MEF2C: variants seen among roughly 807,000 people sequenced by gnomAD.
MEF2C encodes the protein myocyte enhancer factor 2C.
In MEF2C, 6 loss-of-function variants were observed where a neutral mutation model predicts 50.5. The ratio of observed to expected loss-of-function variants is 0.12; its 90% CI spans 0.07 to 0.23. The LOEUF (loss-of-function observed/expected upper bound fraction) is 0.23, where lower values mean the gene tolerates loss of function less well. Among genes scored for constraint, MEF2C ranks in the 10% least tolerant of loss-of-function variants. The probability of loss-of-function intolerance (pLI) is 1.00; values close to 1 mark genes in which losing one functional copy is unlikely to be tolerated. For synonymous variants in MEF2C, 183 were observed against 228.0 expected (o/e 0.80, Z 1.78); for missense variants, 276 against 605.0 (o/e 0.46, Z 5.70).
At chr5:88,744,088 T>C in intron 6 of MEF2C, 1 of 984,192 alleles carries the variant, frequency 1.0e-6, no homozygotes, top group African/African-American at 1.7e-5. Flanking sequence ...TCCTTTCTAC[T>C]CAATAAAAGG....
At chr5:88,838,361 T>A (rs1387130749) in intron 1 of MEF2C, among the ~76,000 whole-genome samples, 2 of 151,704 alleles carry the variant, frequency 1.3e-5, no homozygotes. Context: ...TGGATGATCA[T>A]CAGCAGCTGT....
chr5:88,766,904 C>T lies in MEF2C; in HGVS notation c.259-5576G>A, dbSNP rs1392056762. On this transcript the variant is annotated intron_variant, in intron 3 of 10. Transcript: ENST00000504921. ...GATCCTGAATCATTTTTTTGCTTGTCGTTCACAGCTTTATGAAGATAAGTA... is the reference window on the plus strand; with the variant it reads ...GATCCTGAATCATTTTTTTGCTTGTTGTTCACAGCTTTATGAAGATAAGTA... 1.6e-5 allele frequency: 12 copies of T among 728,992 alleles called. No homozygotes were observed. The South Asian group carries it at 1.9e-4, about 11-fold the overall frequency. 45.2% of individuals were successfully genotyped at this position (728,992 alleles called of 1,614,324 possible).
intron 3 of MEF2C, among the ~76,000 whole-genome samples, chr5:88,775,160 G>A (rs1233245142): frequency 1.3e-5 from 2 of 152,160 alleles, no homozygotes; most frequent in Admixed American, 6.5e-5. Context: ...TTCTAGGACC[G>A]ACATCAAAAG....
At position 88,722,595 on chromosome 5, in the gene MEF2C, A is replaced by G. The variant is rs1756697550; in HGVS notation, c.*9T>C. The G allele has an allele frequency of 3.1e-6, 5 of 1,606,614 alleles. No homozygotes were observed. Among genetic ancestry groups the G allele is most frequent in the African/African-American group, 1.3e-5 (1 of 74,108 alleles). ...AGAAAAAAAAAAAAACTAGTAAGTA[A>G]TAATCTGATCATGTTGCCCATCCTT... On this transcript the variant is annotated 3_prime_UTR_variant, in exon 11 of 11. Coordinates refer to ENST00000504921, the MANE Select transcript of MEF2C (RefSeq NM_002397.5).
At chr5:88,741,883 T>A (rs760849204) in intron 6 of MEF2C, 6 of 985,418 alleles carry the variant, frequency 6.1e-6, no homozygotes, top group Non-Finnish European at 7.2e-6. Flanking sequence ...TAGCACCTTT[T>A]GGACGTATCA....
intron 1 of MEF2C, among the ~76,000 whole-genome samples, chr5:88,873,580 T>A (rs1830168391): frequency 6.6e-6 from 1 of 151,804 alleles, no homozygotes; most frequent in African/African-American, 2.4e-5. Flanking sequence ...TCACTCTAAA[T>A]CAAGCAAGAT....
At chr5:88,787,416 C>T (rs1193410312) in intron 3 of MEF2C, among the ~76,000 whole-genome samples, 2 of 151,592 alleles carry the variant, frequency 1.3e-5, no homozygotes, top group Non-Finnish European at 3.0e-5. Context: ...ATGACAGCCC[C>T]GTAAGGAGCT....
chr5:88,776,116 G>A (rs11744850), intron 3 of MEF2C, among the ~76,000 whole-genome samples: 2 of 151,746 alleles, frequency 1.3e-5, no homozygotes, highest in South Asian at 2.1e-4. Context: ...TTTTGATGAT[G>A]CTTTGGTGTT....
chr5:88,722,588 G>C lies in MEF2C; in HGVS notation c.*16C>G, dbSNP rs200087574. On this transcript the variant is annotated 3_prime_UTR_variant, in exon 11 of 11. Coordinates refer to ENST00000504921, the MANE Select transcript of MEF2C (RefSeq NM_002397.5). ...CACTGCAAGAAAAAAAAAAAAACTA[G>C]TAAGTAATAATCTGATCATGTTGCC... 1.9e-4 allele frequency: 299 copies of C among 1,576,414 alleles called. No individual in the cohort carries two copies. Among genetic ancestry groups the C allele is most frequent in the Non-Finnish European group, 2.3e-4 (272 of 1,161,142 alleles).
In MEF2C at chr5:88,745,064, T is replaced by A. The variant is rs114402063; in HGVS notation, c.637+4006A>T. Among the ~76,000 whole-genome samples, 700 of 152,348 alleles carry A rather than the reference T, an allele frequency of 4.6e-3. 2 individuals carry two copies. The highest frequency in any genetic ancestry group is 0.016 in the African/African-American group (674 of 41,584). ...ATATCTTTTTTTATTGAAAATTACA[T>A]AATTTATTTGAAATGTTCCTTCTGG... On this transcript the variant is annotated intron_variant, in intron 6 of 10. Coordinates refer to ENST00000504921, the MANE Select transcript of MEF2C (RefSeq NM_002397.5).
intron 2 of MEF2C, among the ~76,000 whole-genome samples, chr5:88,808,949 G>T (rs1801635469): frequency 6.6e-6 from 1 of 152,114 alleles, no homozygotes; most frequent in African/African-American, 2.4e-5. Context: ...GAGGCAGAAA[G>T]AGGTTTTTAC....
chr5:88,902,648 A>AT (rs1244143995), intron 1 of MEF2C, among the ~76,000 whole-genome samples: 2 of 151,350 alleles, frequency 1.3e-5, no homozygotes, highest in African/African-American at 4.8e-5. Flanking sequence ...GTCAGACCTT[A>AT]TTTTTTTTCC....
At chr5:88,807,125 T>C (rs140183255) in intron 2 of MEF2C, among the ~76,000 whole-genome samples, 1 of 152,290 alleles carries the variant, frequency 6.6e-6, no homozygotes, top group East Asian at 1.9e-4. Flanking sequence ...ACATTGAAGG[T>C]AGTATGGTAG....
At chr5:88,736,894 C>G in intron 6 of MEF2C, 2 of 985,374 alleles carry the variant, frequency 2.0e-6, no homozygotes, top group African/African-American at 1.7e-5. Flanking sequence ...TATTGGCTCT[C>G]CTGTTTAATT....
chr5:88,859,624 C>T (rs940856912), intron 1 of MEF2C, among the ~76,000 whole-genome samples: 1 of 152,202 alleles, frequency 6.6e-6, no homozygotes, highest in Non-Finnish European at 1.5e-5. Flanking sequence ...ATAACTGCTA[C>T]AACCTCATCC....
intron 6 of MEF2C, chr5:88,742,442 C>G: frequency 1.0e-6 from 1 of 981,364 alleles, no homozygotes; most frequent in East Asian, 1.1e-4. Flanking sequence ...ATCCTTCACA[C>G]TATTAGGTTA....
intron 3 of MEF2C, among the ~76,000 whole-genome samples, chr5:88,768,891 C>T (rs1781160862): frequency 6.6e-6 from 1 of 152,122 alleles, no homozygotes; most frequent in Non-Finnish European, 1.5e-5. Flanking sequence ...GTGATTTGTA[C>T]TATGTATGAA....
At chr5:88,742,889 G>T (rs1326015296) in intron 6 of MEF2C, 3 of 817,152 alleles carry the variant, frequency 3.7e-6, no homozygotes, top group African/African-American at 3.8e-5. Flanking sequence ...TGAGGACTAG[G>T]TTTTTTTTTT....
intron 1 of MEF2C, among the ~76,000 whole-genome samples, chr5:88,893,707 G>A (rs13188739): frequency 2.0e-5 from 3 of 152,024 alleles, no homozygotes; most frequent in African/African-American, 7.2e-5. Context: ...TATAGAAATT[G>A]TGGAACAAGG....
Sources: gnomAD v4.1 joint callset for allele counts (sites outside exome capture counted in the v4.1 genomes callset) on GRCh38, gnomAD v4.1.1 for gene constraint, MANE v1.5 for transcripts, NCBI Gene and HGNC (gene_info 2026-07-23, HGNC 2026-07-21) for gene names.